FAM8A1: variants seen among roughly 807,000 people sequenced by gnomAD.
FAM8A1 encodes protein FAM8A1.
A neutral mutation model predicts 38.3 loss-of-function variants in FAM8A1; 18 were observed. The observed-to-expected ratio is 0.47, with a 90% confidence interval of 0.33 to 0.70. FAM8A1 has a LOEUF of 0.70. Ranked by LOEUF, FAM8A1 falls within the 30% of genes least tolerant of loss-of-function variation. The pLI, the probability that FAM8A1 is intolerant of heterozygous loss-of-function variation, is 0.03. For synonymous variants in FAM8A1, 246 were observed against 234.4 expected (o/e 1.05, Z -0.45); for missense variants, 559 against 559.6 (o/e 1.00, Z 0.01).
intron 1 of FAM8A1, among the ~76,000 whole-genome samples, 174 bp downstream of exon 1, chr6:17,601,295 G>A (rs1430467242): frequency 6.6e-6 from 1 of 152,212 alleles, no homozygotes; most frequent in African/African-American, 2.4e-5. Context: ...AAATGTACAA[G>A]GAGGCAATAC....
In FAM8A1 at chr6:17,611,460, G is replaced by A. The variant is rs1764145345; in HGVS notation, c.*3121G>A. 6.6e-6 allele frequency: 1 copy of A among 152,508 alleles called. No individual in the cohort carries two copies. Among genetic ancestry groups the A allele is most frequent in the South Asian group, 2.1e-4 (1 of 4,830 alleles). 9.4% of individuals were successfully genotyped at this position (152,508 alleles called of 1,614,324 possible). ...CTAAATAACAGTATTCTTAAAATCTGACAGACAAGTAACATGTCAATTACT... is the reference window on the plus strand; with the variant it reads ...CTAAATAACAGTATTCTTAAAATCTAACAGACAAGTAACATGTCAATTACT... On this transcript the variant is annotated 3_prime_UTR_variant, in exon 5 of 5. Coordinates refer to ENST00000259963, the MANE Select transcript of FAM8A1 (RefSeq NM_016255.3).
chr6:17,601,012 C>A lies in FAM8A1; in HGVS notation c.603C>A (p.Gly201=). The A allele has an allele frequency of 6.3e-7, 1 of 1,587,480 alleles. No individual in the cohort carries two copies. Among genetic ancestry groups the A allele is most frequent in the South Asian group, 1.1e-5 (1 of 88,042 alleles). The change falls in exon 1 of 5, where the codon GGC becomes GGA. Residue 201 remains glycine (G), a synonymous_variant. Coordinates refer to ENST00000259963, the MANE Select transcript of FAM8A1 (RefSeq NM_016255.3). ...AGISTPAPVA[G]LGPRAPHVQA... The stretch of plus-strand genomic sequence containing the variant: ...TCAGCACCCCTGCTCCAGTCGCGGG[C>A]CTGGGACCCCGGGCTCCTCACGTGC...
rs556156922 is a variant in FAM8A1 at position 17,603,424 on chromosome 6, C to T, written c.833+714C>T. ...GTAAGTGACAGAGTCAAGATACAAG[C>T]CTGTGCAGTCAAATTTCAGGGTCCT... On this transcript the variant is annotated intron_variant, in intron 2 of 4. Transcript: ENST00000259963. Among the ~76,000 whole-genome samples the T allele has an allele frequency of 2.0e-5, 3 of 152,252 alleles. No individual in the cohort carries two copies. In the South Asian group the frequency reaches 6.2e-4, roughly 32 times the overall value.
Position 17,610,533 on chromosome 6 carries a change from A to AAAG in FAM8A1, c.*2195_*2197dup, listed in dbSNP as rs1353070780. The AAAG allele has an allele frequency of 6.6e-6, 1 of 152,116 alleles. No individual in the cohort carries two copies. Among genetic ancestry groups the AAAG allele is most frequent in the Non-Finnish European group, 1.5e-5 (1 of 67,992 alleles). The allele number at this position is 152,116 out of a possible 1,614,324, so 9.4% of individuals were successfully genotyped here. A position where few individuals can be genotyped will look rare whatever the true frequency, so the allele number is the denominator to read the frequency against. ...TATTTGCACCGAGATTTTGATTCCC[A>AAAG]AAGTTTGGAAAAAAATGACAAAACA... On this transcript the variant is annotated 3_prime_UTR_variant, in exon 5 of 5. Coordinates refer to ENST00000259963, the MANE Select transcript of FAM8A1 (RefSeq NM_016255.3).
Position 17,609,380 on chromosome 6 carries a change from A to G in FAM8A1, c.*1041A>G, listed in dbSNP as rs969613866. On this transcript the variant is annotated 3_prime_UTR_variant, in exon 5 of 5. Transcript: ENST00000259963. The stretch of plus-strand genomic sequence containing the variant: ...AAAAAAATCTTAATATTTCATGATT[A>G]ACTCTAAGTACTATTAATTAATAGC... 3 of 143,156 alleles carry G rather than the reference A, an allele frequency of 2.1e-5. No homozygotes were observed. The East Asian group carries it at 6.3e-4, about 30-fold the overall frequency. 8.9% of individuals were successfully genotyped at this position (143,156 alleles called of 1,614,324 possible). A position where few individuals can be genotyped will look rare whatever the true frequency, so the allele number is the denominator to read the frequency against.
intron 1 of FAM8A1, among the ~76,000 whole-genome samples, chr6:17,601,576 A>G (rs185914793): frequency 1.1e-4 from 16 of 152,364 alleles, no homozygotes; most frequent in African/African-American, 3.8e-4. Flanking sequence ...AAGTGGAGTT[A>G]GGAAGTTTTG....
At chr6:17,602,093 C>T (rs77877647) in intron 1 of FAM8A1, among the ~76,000 whole-genome samples, 1,781 of 152,316 alleles carry the variant, frequency 0.012, 35 homozygotes, top group African/African-American at 0.039. Context: ...AGTGCAGTGG[C>T]GATCTTGGCT....
Position 17,608,599 on chromosome 6 carries a change from T to G in FAM8A1, c.*260T>G, listed in dbSNP as rs1764092132. On this transcript the variant is annotated 3_prime_UTR_variant, in exon 5 of 5. Transcript: ENST00000259963. ...AAACAATGGACAATATATACTTTCTTAAGATCTAAGGTACTTTCTTAAGAT... is the reference window on the plus strand; with the variant it reads ...AAACAATGGACAATATATACTTTCTGAAGATCTAAGGTACTTTCTTAAGAT... 4.3e-6 allele frequency: 1 copy of G among 232,584 alleles called. No homozygotes were observed. The allele number at this position is 232,584 out of a possible 1,614,324, so 14.4% of individuals were successfully genotyped here. A position where few individuals can be genotyped will look rare whatever the true frequency, so the allele number is the denominator to read the frequency against.
chr6:17,600,930 C>G lies in FAM8A1; in HGVS notation c.521C>G (p.Pro174Arg). The G allele has an allele frequency of 6.3e-7, 1 of 1,593,484 alleles. No homozygotes were observed. Among genetic ancestry groups the G allele is most frequent in the Non-Finnish European group, 8.5e-7 (1 of 1,172,420 alleles). ...CCCCCGCAGCTGGGCTATTACAACC[C>G]CTTCTACTTCCTGAGCCCCGGGGCC... The part of the protein sequence containing the change: ...PPPPQLGYYN[P>R]FYFLSPGAAG... The change falls in exon 1 of 5, where the codon CCC becomes CGC. Residue 174 changes from proline to arginine, a missense_variant. Pro to Arg is a moderately radical substitution (Grantham distance 103, BLOSUM62 -2). Coordinates refer to ENST00000259963, the MANE Select transcript of FAM8A1 (RefSeq NM_016255.3).
In FAM8A1 at chr6:17,605,976, G is replaced by GT; in HGVS notation, c.1064dup (p.Leu355PhefsTer9). ...ATCAGTGCTTATTGCACCAAGTCGG[G>GT]TTTTAGTGATTCCTTCCTCAAATGT... is the stretch of plus-strand genomic sequence containing the variant. On this transcript the variant is annotated frameshift_variant, in exon 4 of 5. Transcript: ENST00000259963. LOFTEE classifies it high-confidence loss of function. 1 of 1,575,126 alleles carries GT rather than the reference G, an allele frequency of 6.3e-7. No homozygotes were observed. The highest frequency in any genetic ancestry group is 8.7e-7 in the Non-Finnish European group (1 of 1,153,852).
intron 2 of FAM8A1, among the ~76,000 whole-genome samples, chr6:17,603,018 C>T (rs1365372630): frequency 6.6e-6 from 1 of 152,142 alleles, no homozygotes; most frequent in Non-Finnish European, 1.5e-5. Flanking sequence ...ACTAATTTAC[C>T]TCTCACTATC....
intron 1 of FAM8A1, among the ~76,000 whole-genome samples, chr6:17,601,797 G>A (rs1201294985): frequency 6.7e-6 from 1 of 149,684 alleles, no homozygotes; most frequent in African/African-American, 2.5e-5. Context: ...TAGGATGACA[G>A]ATTGATACTC....
At chr6:17,607,468 C>CTATATACTATAGGTAG (rs1554134086) in intron 4 of FAM8A1, among the ~76,000 whole-genome samples, 54 of 141,604 alleles carry the variant, frequency 3.8e-4, no homozygotes, top group South Asian at 9.2e-4. Context: ...TAGGTAGTCT[C>CTATATACTATAGGTAG]TATCTATATA....
In FAM8A1 at chr6:17,611,097, G is replaced by GTTAC. The variant is rs1190254604; in HGVS notation, c.*2762_*2765dup. 3.3e-5 allele frequency: 5 copies of GTTAC among 152,206 alleles called. No individual in the cohort carries two copies. Among genetic ancestry groups the GTTAC allele is most frequent in the African/African-American group, 9.6e-5 (4 of 41,534 alleles). 9.4% of individuals were successfully genotyped at this position (152,206 alleles called of 1,614,324 possible). On this transcript the variant is annotated 3_prime_UTR_variant, in exon 5 of 5. Transcript: ENST00000259963. ...GAACTTTGCTCCCACTGGTTTAATA[G>GTTAC]TTACTTATTTCTGCCTAAGCACTCA...
chr6:17,608,243 C>T lies in FAM8A1; in HGVS notation c.1146C>T (p.Phe382=). The part of the protein sequence containing the change: ...LIKNFSIASF[F]PAFITLLFFQ... The stretch of plus-strand genomic sequence containing the variant: ...AGAATTTTTCAATTGCTTCTTTTTT[C>T]CCTGCTTTCATCACACTGCTGTTTT... The change falls in exon 5 of 5, where the codon TTC becomes TTT. Residue 382 remains phenylalanine, a synonymous_variant. Coordinates refer to ENST00000259963, the MANE Select transcript of FAM8A1 (RefSeq NM_016255.3). 2.5e-6 allele frequency: 4 copies of T among 1,613,734 alleles called. No individual in the cohort carries two copies. The highest frequency in any genetic ancestry group is 2.2e-5 in the South Asian group (2 of 91,048).
intron 1 of FAM8A1, among the ~76,000 whole-genome samples, chr6:17,602,367 A>G (rs952463002): frequency 6.6e-6 from 1 of 152,138 alleles, no homozygotes; most frequent in Admixed American, 6.5e-5. Flanking sequence ...CGTTAAGGTG[A>G]TGAAAGCAAA....
rs944154411 is a variant in FAM8A1 at position 17,603,041 on chromosome 6, G to A, written c.833+331G>A. Among the ~76,000 whole-genome samples, 11 of 152,172 alleles carry A rather than the reference G, an allele frequency of 7.2e-5. No individual in the cohort carries two copies. In the East Asian group the frequency reaches 1.7e-3, roughly 24 times the overall value. The stretch of plus-strand genomic sequence containing the variant: ...ACCTCTCACTATCCTGTTCCCTCTT[G>A]CTATCTTGTGGAGTCTCTAAAGACA... On this transcript the variant is annotated intron_variant, in intron 2 of 4. Coordinates refer to ENST00000259963, the MANE Select transcript of FAM8A1 (RefSeq NM_016255.3).
At position 17,601,734 on chromosome 6, in the gene FAM8A1, C is replaced by T. The variant is rs140210639; in HGVS notation, c.712+613C>T. On this transcript the variant is annotated intron_variant, in intron 1 of 4. Coordinates refer to ENST00000259963, the MANE Select transcript of FAM8A1 (RefSeq NM_016255.3). Reference sequence around the variant, plus strand: ...TAGACTTTTAGTTTATTTTAGTTAGCCACAGATAGATGGGACAAGAACTAG... The same window carrying T: ...TAGACTTTTAGTTTATTTTAGTTAGTCACAGATAGATGGGACAAGAACTAG... Among the ~76,000 whole-genome samples the T allele has an allele frequency of 2.5e-3, 376 of 152,174 alleles. 2 individuals carry two copies. The highest frequency in any genetic ancestry group is 8.4e-3 in the African/African-American group (350 of 41,486).
In FAM8A1 at chr6:17,608,445, C is replaced by A. The variant is rs1317640983; in HGVS notation, c.*106C>A. 3.0e-6 allele frequency: 4 copies of A among 1,311,544 alleles called. No homozygotes were observed. The East Asian group carries it at 9.8e-5, about 32-fold the overall frequency. The allele number at this position is 1,311,544 out of a possible 1,614,324, so 81.2% of individuals were successfully genotyped here. On this transcript the variant is annotated 3_prime_UTR_variant, in exon 5 of 5. Transcript: ENST00000259963. ...GATGATTTAGAAATTAAAGCAGTCACTCCAGTGTGATGCAGGTGACTACTC... is the reference window on the plus strand; with the variant it reads ...GATGATTTAGAAATTAAAGCAGTCAATCCAGTGTGATGCAGGTGACTACTC...
Sources: allele counts gnomAD v4.1 joint callset (sites outside exome capture counted in the v4.1 genomes callset), GRCh38; gene constraint gnomAD v4.1.1; transcripts MANE v1.5; gene names NCBI Gene and HGNC (gene_info 2026-07-23, HGNC 2026-07-21).